Variants in KCNH5 observed in about 807,000 individuals in gnomAD.
KCNH5 encodes potassium voltage-gated channel subfamily H member 5.
Under a neutral mutation model 96.1 loss-of-function variants are expected in KCNH5, and 46 were observed. The ratio of observed to expected loss-of-function variants is 0.48; its 90% CI spans 0.38 to 0.61. The LOEUF (loss-of-function observed/expected upper bound fraction) is 0.61. Ranked by LOEUF, KCNH5 falls within the 20% of genes least tolerant of loss-of-function variation. The probability of loss-of-function intolerance (pLI) is 0.00; values close to 1 mark genes in which losing one functional copy is unlikely to be tolerated. For synonymous variants in KCNH5, 439 were observed against 449.8 expected (o/e 0.98, Z 0.30); for missense variants, 907 against 1,225.8 (o/e 0.74, Z 3.88).
chr14:63,044,287 TAACCA>T (rs1891880723), intron 1 of KCNH5, among the ~76,000 whole-genome samples: 2 of 152,204 alleles, frequency 1.3e-5, no homozygotes, highest in Non-Finnish European at 2.9e-5. Flanking sequence ...TGGAAATATA[TAACCA>T]TTCCCATCCA....
Position 62,888,053 on chromosome 14 carries a change from G to A in KCNH5, c.1370-38201C>T, listed in dbSNP as rs188886394. On this transcript the variant is annotated intron_variant, in intron 7 of 10. Transcript: ENST00000322893. ...AGAGCATTCGAAACTTTCCTAAGAG[G>A]GATTTAAAAATGTTGGCATGCTAAT... is the stretch of plus-strand genomic sequence containing the variant. Among the ~76,000 whole-genome samples, 6 of 152,178 alleles carry A rather than the reference G, an allele frequency of 3.9e-5. No homozygotes were observed. In the East Asian group the frequency reaches 9.7e-4, roughly 25 times the overall value.
chr14:62,952,372 A>C lies in KCNH5; in HGVS notation c.943-1813T>G, dbSNP rs76204249. Among the ~76,000 whole-genome samples the C allele has an allele frequency of 4.6e-3, 700 of 152,306 alleles. 29 individuals carry two copies. In the East Asian group the frequency reaches 0.087, roughly 19 times the overall value. On this transcript the variant is annotated intron_variant, in intron 6 of 10. Coordinates refer to ENST00000322893, the MANE Select transcript of KCNH5 (RefSeq NM_139318.5). Reference sequence around the variant, plus strand: ...TTGGAAGGCTTGAAAGCTTTCAAAAATGGAACAGTGCAGTCATCAACAAGT... The same window carrying C: ...TTGGAAGGCTTGAAAGCTTTCAAAACTGGAACAGTGCAGTCATCAACAAGT...
At chr14:63,001,481 G>A in intron 3 of KCNH5, 22 bp from the exon 4 acceptor site, 1 of 1,602,992 alleles carries the variant, frequency 6.2e-7, no homozygotes, top group Non-Finnish European at 8.5e-7. Context: ...AGAAGTTGGG[G>A]AAAGGACATT....
chr14:62,997,615 G>T (rs1261754644), intron 4 of KCNH5, among the ~76,000 whole-genome samples: 1 of 152,010 alleles, frequency 6.6e-6, no homozygotes, highest in Non-Finnish European at 1.5e-5. Context: ...TCCAATTTTT[G>T]TAGAGGATTT....
At chr14:62,811,608 G>A (rs1376472804) in intron 8 of KCNH5, among the ~76,000 whole-genome samples, 3 of 152,118 alleles carry the variant, frequency 2.0e-5, no homozygotes, top group Admixed American at 6.6e-5. Flanking sequence ...AGAGTAAGAG[G>A]TGTTGTAATT....
chr14:62,767,525 A>G (rs1595613363), intron 10 of KCNH5, among the ~76,000 whole-genome samples: 2 of 152,338 alleles, frequency 1.3e-5, no homozygotes, highest in South Asian at 4.1e-4. Flanking sequence ...CTTTGCAGTA[A>G]TGCAGATACA....
At chr14:62,912,238 TTAA>T (rs1595681496) in intron 7 of KCNH5, among the ~76,000 whole-genome samples, 1 of 152,150 alleles carries the variant, frequency 6.6e-6, no homozygotes, top group East Asian at 1.9e-4. Context: ...AAATTCAGTG[TTAA>T]TAATTTTTTC....
chr14:62,947,965 T>C (rs939880988), intron 7 of KCNH5, among the ~76,000 whole-genome samples: 1 of 151,998 alleles, frequency 6.6e-6, no homozygotes, highest in Admixed American at 6.6e-5. Context: ...CTCCCAATGC[T>C]ATCCCTCCCC....
intron 7 of KCNH5, among the ~76,000 whole-genome samples, chr14:62,936,316 T>C (rs1889678886): frequency 6.6e-6 from 1 of 152,212 alleles, no homozygotes; most frequent in Admixed American, 6.5e-5. Flanking sequence ...TAAAAAGACA[T>C]GAGCATGTTT....
chr14:63,009,643 A>G (rs879831603), intron 2 of KCNH5, among the ~76,000 whole-genome samples: 1 of 152,204 alleles, frequency 6.6e-6, no homozygotes, highest in Non-Finnish European at 1.5e-5. Context: ...CTATCTATCT[A>G]TCCTCCCAAG....
intron 2 of KCNH5, among the ~76,000 whole-genome samples, chr14:63,009,502 G>T (rs187779922): frequency 6.6e-6 from 1 of 152,044 alleles, no homozygotes; most frequent in Admixed American, 6.6e-5. Flanking sequence ...TTCTTACATT[G>T]TTCCACTCAG....
At chr14:62,813,551 T>C (rs1886913702) in intron 8 of KCNH5, among the ~76,000 whole-genome samples, 1 of 152,214 alleles carries the variant, frequency 6.6e-6, no homozygotes, top group Non-Finnish European at 1.5e-5. Flanking sequence ...CAGCTATTTC[T>C]AATAATAATG....
chr14:62,700,579 T>C lies in KCNH5; in HGVS notation c.*6929A>G, dbSNP rs1196301010. 1 of 152,230 alleles carries C rather than the reference T, an allele frequency of 6.6e-6. No homozygotes were observed. The highest frequency in any genetic ancestry group is 2.4e-5 in the African/African-American group (1 of 41,456). 9.4% of individuals were successfully genotyped at this position (152,230 alleles called of 1,614,324 possible). On this transcript the variant is annotated 3_prime_UTR_variant, in exon 11 of 11. Transcript: ENST00000322893. ...TGAAAATGAAATAGGCTAATCTTGA[T>C]TTTAAATGAAAGTGCGTTTGGATTT...
intron 3 of KCNH5, among the ~76,000 whole-genome samples, chr14:63,003,220 C>A (rs1349162348): frequency 6.6e-6 from 1 of 151,492 alleles, no homozygotes; most frequent in Non-Finnish European, 1.5e-5. Flanking sequence ...TTTCAACTTT[C>A]CAAGCCACAG....
chr14:62,836,058 A>C (rs1331127280), intron 8 of KCNH5, among the ~76,000 whole-genome samples: 1 of 152,054 alleles, frequency 6.6e-6, no homozygotes. Flanking sequence ...CACCAGGCCT[A>C]TTATTAATAT....
intron 1 of KCNH5, among the ~76,000 whole-genome samples, chr14:63,036,167 G>A (rs149944507): frequency 6.6e-6 from 1 of 152,264 alleles, no homozygotes; most frequent in African/African-American, 2.4e-5. Flanking sequence ...CCTCCCTCTT[G>A]GAGACCTTTA....
chr14:62,827,695 T>C (rs1297447911), intron 8 of KCNH5, among the ~76,000 whole-genome samples: 1 of 152,208 alleles, frequency 6.6e-6, no homozygotes, highest in Non-Finnish European at 1.5e-5. Flanking sequence ...GATTTTATGA[T>C]ACTTTAAAAT....
At chr14:62,714,179 C>T (rs959147082) in intron 10 of KCNH5, among the ~76,000 whole-genome samples, 7 of 151,738 alleles carry the variant, frequency 4.6e-5, no homozygotes, top group Admixed American at 2.6e-4. Context: ...GTCCTAGCTA[C>T]TTGGGAGGCT....
At chr14:62,716,689 T>C (rs1166903252) in intron 10 of KCNH5, among the ~76,000 whole-genome samples, 1 of 152,202 alleles carries the variant, frequency 6.6e-6, no homozygotes, top group Non-Finnish European at 1.5e-5. Context: ...GCCTCTAACA[T>C]CATACTTTAT....
Sources: gnomAD v4.1 joint callset for allele counts (sites outside exome capture counted in the v4.1 genomes callset) on GRCh38, gnomAD v4.1.1 for gene constraint, MANE v1.5 for transcripts, NCBI Gene and HGNC (gene_info 2026-07-23, HGNC 2026-07-21) for gene names.